Variants in BRINP3 observed in about 807,000 individuals in gnomAD.
The protein encoded by BRINP3 is BMP/retinoic acid inducible neural specific 3, also known as BMP/retinoic acid-inducible neural-specific protein 3.
A neutral mutation model predicts 71.0 loss-of-function variants in BRINP3; 19 were observed. The ratio of observed to expected loss-of-function variants is 0.27; its 90% CI spans 0.19 to 0.39. The LOEUF is 0.39. Among genes scored for constraint, BRINP3 ranks in the 10% least tolerant of loss-of-function variants. BRINP3 has a pLI of 1.00. For missense variants in BRINP3, 959 were observed against 940.8 expected (o/e 1.02, Z -0.25); for synonymous variants, 380 against 337.7 (o/e 1.13, Z -1.37).
At chr1:190,433,645 C>T (rs1674254307) in intron 2 of BRINP3, among the ~76,000 whole-genome samples, 1 of 152,136 alleles carries the variant, frequency 6.6e-6, no homozygotes, top group Non-Finnish European at 1.5e-5. Flanking sequence ...TCCTTATTCC[C>T]CTAGCAGCAA....
intron 2 of BRINP3, among the ~76,000 whole-genome samples, chr1:190,283,833 T>C (rs1174733831): frequency 6.6e-6 from 1 of 151,656 alleles, no homozygotes; most frequent in Non-Finnish European, 1.5e-5. Flanking sequence ...TTTATAGGCT[T>C]ATGCTCAAAC....
In BRINP3 at chr1:190,343,716, A is replaced by T. The variant is rs967214037; in HGVS notation, c.237-61966T>A. 1.1e-4 allele frequency among the ~76,000 whole-genome samples: 17 copies of T among 151,756 alleles called. No homozygotes were observed. The South Asian group carries it at 3.5e-3, about 31-fold the overall frequency. Reference sequence around the variant, plus strand: ...ATAGACCAGGGAGAGTACGTCTTCTACCAATCAATAAACCGACTCTGTATG... The same window carrying T: ...ATAGACCAGGGAGAGTACGTCTTCTTCCAATCAATAAACCGACTCTGTATG... On this transcript the variant is annotated intron_variant, in intron 2 of 7. Transcript: ENST00000367462.
intron 1 of BRINP3, among the ~76,000 whole-genome samples, chr1:190,459,869 C>T (rs950866323): frequency 6.6e-6 from 1 of 152,000 alleles, no homozygotes; most frequent in South Asian, 2.1e-4. Context: ...TAAACTCTTA[C>T]ATATCTGTCA....
At chr1:190,448,627 C>T (rs576126616) in intron 2 of BRINP3, among the ~76,000 whole-genome samples, 7 of 151,388 alleles carry the variant, frequency 4.6e-5, no homozygotes, top group Admixed American at 2.0e-4. Flanking sequence ...TAAAGAAAAT[C>T]GATTATCTTT....
At chr1:190,336,913 A>T (rs1354762482) in intron 2 of BRINP3, among the ~76,000 whole-genome samples, 1 of 147,888 alleles carries the variant, frequency 6.8e-6, no homozygotes, top group Non-Finnish European at 1.5e-5. Context: ...TTCTGACTTT[A>T]CCTAGAAAGA....
At chr1:190,311,057 A>G (rs983540076) in intron 2 of BRINP3, among the ~76,000 whole-genome samples, 3 of 151,594 alleles carry the variant, frequency 2.0e-5, no homozygotes, top group African/African-American at 7.3e-5. Flanking sequence ...TTACTTAAAA[A>G]CCCAAGTATT....
chr1:190,321,865 A>T (rs2103053028), intron 2 of BRINP3, among the ~76,000 whole-genome samples: 1 of 152,220 alleles, frequency 6.6e-6, no homozygotes, highest in South Asian at 2.1e-4. Context: ...GCTCAACATA[A>T]CAAGAAGTAG....
At chr1:190,233,160 A>C (rs1015930553) in intron 5 of BRINP3, among the ~76,000 whole-genome samples, 1 of 152,026 alleles carries the variant, frequency 6.6e-6, no homozygotes, top group Non-Finnish European at 1.5e-5. Context: ...ACTGTCACCC[A>C]GGCTGGAGTA....
At chr1:190,460,275 A>T (rs2102656182) in intron 1 of BRINP3, among the ~76,000 whole-genome samples, 1 of 150,642 alleles carries the variant, frequency 6.6e-6, no homozygotes, top group African/African-American at 2.4e-5. Flanking sequence ...AAATATTTAT[A>T]TGTAGTACCC....
intron 2 of BRINP3, among the ~76,000 whole-genome samples, chr1:190,284,509 C>A (rs1558145247): frequency 6.6e-6 from 1 of 151,912 alleles, no homozygotes; most frequent in Non-Finnish European, 1.5e-5. Context: ...TGTATAGTAG[C>A]TTAGTTAGCC....
intron 2 of BRINP3, among the ~76,000 whole-genome samples, chr1:190,304,736 G>C (rs564180629): frequency 6.6e-6 from 1 of 151,868 alleles, no homozygotes; most frequent in African/African-American, 2.4e-5. Context: ...CAAAAGCACA[G>C]ACAATAAAGG....
At chr1:190,126,833 A>G (rs1171327615) in intron 7 of BRINP3, among the ~76,000 whole-genome samples, 2 of 151,824 alleles carry the variant, frequency 1.3e-5, no homozygotes, top group Non-Finnish European at 2.9e-5. Flanking sequence ...AGTTTTTTTG[A>G]ATGTACATTA....
chr1:190,326,913 G>A (rs1185212053), intron 2 of BRINP3, among the ~76,000 whole-genome samples: 2 of 151,108 alleles, frequency 1.3e-5, no homozygotes, highest in Non-Finnish European at 2.9e-5. Flanking sequence ...GAAACAACCA[G>A]CTAAGAACTT....
chr1:190,301,419 G>A lies in BRINP3; in HGVS notation c.237-19669C>T, dbSNP rs544576895. On this transcript the variant is annotated intron_variant, in intron 2 of 7. Transcript: ENST00000367462. The stretch of plus-strand genomic sequence containing the variant: ...ATAGTGTTATATTTTCACTTCACCT[G>A]TCAAAATACTTTGGAAAACTGTAGT... Among the ~76,000 whole-genome samples the A allele has an allele frequency of 1.2e-4, 18 of 150,292 alleles. No homozygotes were observed. In the South Asian group the frequency reaches 3.8e-3, roughly 32 times the overall value.
At chr1:190,438,914 A>G (rs1315492642) in intron 2 of BRINP3, among the ~76,000 whole-genome samples, 1 of 151,928 alleles carries the variant, frequency 6.6e-6, no homozygotes, top group Non-Finnish European at 1.5e-5. Flanking sequence ...CACAGGATTC[A>G]ATCTCAGACC....
At chr1:190,309,967 A>G (rs1665400237) in intron 2 of BRINP3, among the ~76,000 whole-genome samples, 1 of 151,748 alleles carries the variant, frequency 6.6e-6, no homozygotes, top group South Asian at 2.1e-4. Context: ...ACCAGATTTC[A>G]TAGAGATCCC....
At chr1:190,418,820 A>G (rs1028815661) in intron 2 of BRINP3, among the ~76,000 whole-genome samples, 8 of 152,126 alleles carry the variant, frequency 5.3e-5, no homozygotes, top group African/African-American at 1.9e-4. Context: ...TAACCCAGCT[A>G]TAATTTAAAA....
chr1:190,198,296 T>C (rs1459879954), intron 6 of BRINP3, among the ~76,000 whole-genome samples: 1 of 152,144 alleles, frequency 6.6e-6, no homozygotes, highest in Non-Finnish European at 1.5e-5. Flanking sequence ...ATTTTCCTCA[T>C]TGTCTTGGCA....
chr1:190,243,136 G>T (rs1456884042), intron 4 of BRINP3, among the ~76,000 whole-genome samples: 1 of 152,036 alleles, frequency 6.6e-6, no homozygotes, highest in Non-Finnish European at 1.5e-5. Flanking sequence ...GACAACAGAA[G>T]TTTTCTAAGG....
Sources: gnomAD v4.1 joint callset for allele counts (sites outside exome capture counted in the v4.1 genomes callset) on GRCh38, gnomAD v4.1.1 for gene constraint, MANE v1.5 for transcripts, NCBI Gene and HGNC (gene_info 2026-07-23, HGNC 2026-07-21) for gene names.